Variants in SPINK5 observed in about 807,000 individuals in gnomAD.
SPINK5 encodes the protein serine protease inhibitor Kazal-type 5.
A neutral mutation model predicts 151.8 loss-of-function variants in SPINK5; 125 were observed. The ratio of observed to expected loss-of-function variants is 0.82; its 90% CI spans 0.71 to 0.96. The LOEUF is 0.96. Among genes scored for constraint, SPINK5 ranks in the 40% least tolerant of loss-of-function variants. SPINK5 has a pLI of 0.00. For missense variants in SPINK5, 1,194 were observed against 1,291.9 expected (o/e 0.92, Z 1.16); for synonymous variants, 374 against 395.3 (o/e 0.95, Z 0.64).
intron 30 of SPINK5, among the ~76,000 whole-genome samples, chr5:148,128,630 G>A (rs1334423910): frequency 1.3e-5 from 2 of 152,112 alleles, no homozygotes; most frequent in African/African-American, 4.8e-5. Flanking sequence ...CGCAGTTCAC[G>A]CCATTCTCCT....
chr5:148,079,129 T>G lies in SPINK5; in HGVS notation c.282+6909T>G, dbSNP rs1053084562. On this transcript the variant is annotated intron_variant, in intron 4 of 32. Coordinates refer to ENST00000256084, the MANE Select transcript of SPINK5 (RefSeq NM_006846.4). ...CCTGGAGAAACTACAAGGCTTATGA[T>G]GAATATTATGAAAAATATTATGCCA... 6.6e-5 allele frequency among the ~76,000 whole-genome samples: 10 copies of G among 150,976 alleles called. No homozygotes were observed. In the Admixed American group the frequency reaches 6.6e-4, roughly 10 times the overall value.
chr5:148,103,426 T>G (rs1221428176), intron 15 of SPINK5, among the ~76,000 whole-genome samples: 1 of 152,174 alleles, frequency 6.6e-6, no homozygotes, highest in Non-Finnish European at 1.5e-5. Context: ...TTCAGCCTGT[T>G]TTTTGTTCTC....
At chr5:148,087,239 T>G (rs1033056570) in intron 5 of SPINK5, among the ~76,000 whole-genome samples, 18 of 151,822 alleles carry the variant, frequency 1.2e-4, no homozygotes, top group Admixed American at 2.0e-4. Context: ...TGTTTTGTTC[T>G]TTCTCTACCT....
At chr5:148,119,849 G>A (rs1445591767) in intron 24 of SPINK5, among the ~76,000 whole-genome samples, 160 bp from the exon 25 acceptor site, 2 of 152,016 alleles carry the variant, frequency 1.3e-5, no homozygotes, top group Non-Finnish European at 2.9e-5. Flanking sequence ...GAGGTTCCAG[G>A]AATTAGAACA....
chr5:148,104,027 G>A (rs978171250), intron 15 of SPINK5, among the ~76,000 whole-genome samples: 1 of 151,978 alleles, frequency 6.6e-6, no homozygotes, highest in Non-Finnish European at 1.5e-5. Flanking sequence ...GCCTAGTTTT[G>A]GAAGGAAAGT....
At chr5:148,064,454 T>C (rs1278792906) in intron 1 of SPINK5, among the ~76,000 whole-genome samples, 3 of 152,162 alleles carry the variant, frequency 2.0e-5, no homozygotes, top group African/African-American at 7.2e-5. Context: ...AAAACTTAAT[T>C]GTAAATAATA....
Position 148,120,277 on chromosome 5 carries a change from T to A in SPINK5, c.2442-18T>A. 1 of 1,605,568 alleles carries A rather than the reference T, an allele frequency of 6.2e-7. No homozygotes were observed. On this transcript the variant is annotated intron_variant, in intron 25 of 32. Transcript: ENST00000256084. ...GTTTGTTCACTTTGATTGAAATGTT[T>A]CATTGTTTTCCCCCCAGGGAAAGGG...
chr5:148,067,719 C>A (rs555787940), intron 2 of SPINK5, among the ~76,000 whole-genome samples: 1 of 152,154 alleles, frequency 6.6e-6, no homozygotes, highest in Non-Finnish European at 1.5e-5. Flanking sequence ...GAATTAAGTT[C>A]TCATCTAACA....
chr5:148,108,864 C>G, intron 18 of SPINK5, 27 bp downstream of exon 18: 1 of 1,610,102 alleles, frequency 6.2e-7, no homozygotes, highest in Non-Finnish European at 8.5e-7. Flanking sequence ...ATCAGAGCCA[C>G]ATAAATATTC....
chr5:148,095,062 C>T (rs1393121422), intron 9 of SPINK5, among the ~76,000 whole-genome samples: 1 of 151,886 alleles, frequency 6.6e-6, no homozygotes, highest in Non-Finnish European at 1.5e-5. Flanking sequence ...CCAGTTCCTC[C>T]CGGTCTTGGC....
At position 148,095,872 on chromosome 5, in the gene SPINK5, T is replaced by A. The variant is rs752379715; in HGVS notation, c.849T>A (p.Ala283=). The A allele has an allele frequency of 9.9e-6, 16 of 1,612,254 alleles. 1 individual carries two copies. In the Admixed American group the frequency reaches 2.0e-4, roughly 20 times the overall value. ...NSKTDQNLGK[A]EEKTKVKREI... is the part of the protein sequence containing the mutation. ...AAACAGATCAAAATTTGGGAAAAGC[T>A]GAAGAAAAAACTAAAGTTAAAAGAG... Residue 283 remains alanine (A), a synonymous_variant, in exon 10 of 33, where the codon GCT becomes GCA. Coordinates refer to ENST00000256084, the MANE Select transcript of SPINK5 (RefSeq NM_006846.4).
At chr5:148,087,424 C>T (rs1055690469) in intron 5 of SPINK5, among the ~76,000 whole-genome samples, 2 of 151,748 alleles carry the variant, frequency 1.3e-5, no homozygotes, top group African/African-American at 4.8e-5. Context: ...TTTTGAGATC[C>T]TGCAAGCTTT....
chr5:148,090,075 A>G (rs1218161428), intron 7 of SPINK5, among the ~76,000 whole-genome samples: 1 of 151,864 alleles, frequency 6.6e-6, no homozygotes, highest in Admixed American at 6.6e-5. Context: ...TTAGCTTAAA[A>G]AGTGGAACGC....
chr5:148,088,823 T>C (rs1301983907), intron 6 of SPINK5, among the ~76,000 whole-genome samples: 3 of 127,682 alleles, frequency 2.3e-5, no homozygotes, highest in Admixed American at 1.7e-4. Flanking sequence ...TTCAATCTAT[T>C]GCTGCTTTGT....
At chr5:148,123,521 GTATATATATA>G (rs1159209367) in intron 26 of SPINK5, among the ~76,000 whole-genome samples, 695 of 25,008 alleles carry the variant, frequency 0.028, 21 homozygotes, top group African/African-American at 0.051. Flanking sequence ...CAATATATGT[GTATATATATA>G]TATATATATA....
At chr5:148,132,219 C>T (rs1754589619) in intron 31 of SPINK5, among the ~76,000 whole-genome samples, 2 of 152,128 alleles carry the variant, frequency 1.3e-5, no homozygotes, top group South Asian at 4.1e-4. Context: ...CTCCTGGCCA[C>T]CATTTGGCCA....
rs201611101 is a variant in SPINK5 at position 148,107,055 on chromosome 5, C to T, written c.1498C>T (p.Arg500Trp). The change falls in exon 17 of 33, where the codon CGG becomes TGG. Residue 500 changes from arginine to tryptophan, a missense_variant. Arg to Trp is a moderately radical substitution (Grantham distance 101). Transcript: ENST00000256084. ...TTCCCAGGAAATCTGCAGTGAATTT[C>T]GGGACCAAGTGAGGAATGGAACACT... ...EAAKEICSEF[R>W]DQVRNGTLIC... 1.9e-5 allele frequency: 30 copies of T among 1,612,568 alleles called. No homozygotes were observed. Among genetic ancestry groups the T allele is most frequent in the African/African-American group, 9.3e-5 (7 of 74,944 alleles).
chr5:148,085,213 A>G (rs1454033264), intron 4 of SPINK5, among the ~76,000 whole-genome samples: 2 of 151,802 alleles, frequency 1.3e-5, no homozygotes, highest in African/African-American at 2.4e-5. Context: ...TTTTCCTTCT[A>G]GATAAGAGTT....
intron 26 of SPINK5, among the ~76,000 whole-genome samples, chr5:148,123,521 G>GTGTGTATATATATATATATATA (rs1328976077): frequency 4.0e-5 from 1 of 25,016 alleles, no homozygotes; most frequent in African/African-American, 8.0e-5. Flanking sequence ...CAATATATGT[G>GTGTGTATATATATATATATATA]TATATATATA....
Sources: gnomAD v4.1 joint callset for allele counts (sites outside exome capture counted in the v4.1 genomes callset) on GRCh38, gnomAD v4.1.1 for gene constraint, MANE v1.5 for transcripts, NCBI Gene and HGNC (gene_info 2026-07-23, HGNC 2026-07-21) for gene names.